Variants in PRSS12 observed in about 807,000 individuals in gnomAD.
The protein encoded by PRSS12 is neurotrypsin.
PRSS12 carries 85 observed loss-of-function variants against 104.4 expected under a neutral mutation model. The ratio of observed to expected loss-of-function variants is 0.81; its 90% CI spans 0.68 to 0.98. The LOEUF (loss-of-function observed/expected upper bound fraction) is 0.98, where lower values mean the gene tolerates loss of function less well. PRSS12 is among the 50% of genes least tolerant of loss of function. The pLI, the probability that PRSS12 is intolerant of heterozygous loss-of-function variation, is 0.00. For missense variants in PRSS12, 1,141 were observed against 1,139.2 expected (o/e 1.00, Z -0.02); for synonymous variants, 454 against 425.2 (o/e 1.07, Z -0.83).
At chr4:118,334,365 A>C (rs1004011865) in intron 3 of PRSS12, among the ~76,000 whole-genome samples, 23 of 152,130 alleles carry the variant, frequency 1.5e-4, no homozygotes, top group Non-Finnish European at 2.9e-5. Context: ...TACTTGAAAA[A>C]CATTTTATCA....
chr4:118,332,767 G>A (rs1339195137), intron 3 of PRSS12, among the ~76,000 whole-genome samples: 1 of 152,072 alleles, frequency 6.6e-6, no homozygotes, highest in Non-Finnish European at 1.5e-5. Flanking sequence ...GACAAGCAAT[G>A]CTAAATAAAC....
rs180945373 is a variant in PRSS12, at chr4:118,329,930, C to T, written c.971+1786G>A. Among the ~76,000 whole-genome samples, 5 of 152,232 alleles carry T rather than the reference C, an allele frequency of 3.3e-5. No individual in the cohort carries two copies. In the East Asian group the frequency reaches 7.7e-4, roughly 24 times the overall value. On this transcript the variant is annotated intron_variant, in intron 4 of 12. Transcript: ENST00000296498. The stretch of plus-strand genomic sequence containing the variant: ...ACCGGGAAACTTTGAGAAAATTGCT[C>T]GTGAAATTGATACCCAGTCAAAACA...
chr4:118,294,816 C>T (rs925565438), intron 11 of PRSS12, 123 bp downstream of exon 11: 9 of 1,364,094 alleles, frequency 6.6e-6, no homozygotes, highest in African/African-American at 2.9e-5. Context: ...CACAGGGCTG[C>T]TGGCACAAGC....
intron 4 of PRSS12, among the ~76,000 whole-genome samples, chr4:118,318,935 T>C (rs1323207120): frequency 2.6e-5 from 4 of 152,208 alleles, no homozygotes; most frequent in Non-Finnish European, 5.9e-5. Flanking sequence ...ATTTAAAACA[T>C]TTTTGGTTTA....
intron 3 of PRSS12, among the ~76,000 whole-genome samples, chr4:118,334,125 T>C (rs1490008889): frequency 6.6e-6 from 1 of 152,206 alleles, no homozygotes; most frequent in Admixed American, 6.5e-5. Flanking sequence ...TGATTTCAGC[T>C]ATACAACTCC....
chr4:118,298,977 C>A, intron 8 of PRSS12, 39 bp from the exon 9 acceptor site: 2 of 1,593,182 alleles, frequency 1.3e-6, no homozygotes, highest in South Asian at 2.2e-5. Context: ...AAGAATCAGT[C>A]AGTCATATAT....
intron 6 of PRSS12, among the ~76,000 whole-genome samples, chr4:118,314,375 G>A (rs1743845010): frequency 6.6e-6 from 1 of 152,032 alleles, no homozygotes; most frequent in Non-Finnish European, 1.5e-5. Context: ...TTAAAACAAT[G>A]AAAATTTTAA....
At chr4:118,347,094 G>A (rs939409447) in intron 1 of PRSS12, among the ~76,000 whole-genome samples, 1 of 151,706 alleles carries the variant, frequency 6.6e-6, no homozygotes, top group Non-Finnish European at 1.5e-5. Context: ...AAAAAAATAT[G>A]CACACTAGTT....
At position 118,331,923 on chromosome 4, in the gene PRSS12, G is replaced by A. The variant is rs1372100197; in HGVS notation, c.821-57C>T. 2.5e-6 allele frequency: 4 copies of A among 1,605,012 alleles called. No homozygotes were observed. In the African/African-American group the frequency reaches 4.0e-5, roughly 16 times the overall value. On this transcript the variant is annotated intron_variant, in intron 3 of 12. Coordinates refer to ENST00000296498, the MANE Select transcript of PRSS12 (RefSeq NM_003619.4). ...CCTATGCATTTACATTGATTGATAA[G>A]ATTAGGTATATTCTATATTTTTTGC...
chr4:118,308,621 A>C, intron 7 of PRSS12, 44 bp from the exon 8 acceptor site: 1 of 1,602,832 alleles, frequency 6.2e-7, no homozygotes, highest in Non-Finnish European at 8.5e-7. Context: ...AAACATGCAA[A>C]CTGATTCTAA....
intron 1 of PRSS12, among the ~76,000 whole-genome samples, chr4:118,346,977 G>GCACA (rs141285212): frequency 3.7e-4 from 55 of 150,292 alleles, no homozygotes; most frequent in African/African-American, 1.3e-3. Flanking sequence ...ATGCACACAT[G>GCACA]CACACACACA....
intron 1 of PRSS12, among the ~76,000 whole-genome samples, chr4:118,340,051 T>A (rs374991309): frequency 8.5e-5 from 13 of 152,210 alleles, no homozygotes; most frequent in African/African-American, 3.1e-4. Flanking sequence ...TAAAATAGTG[T>A]CTACATCAAA....
At chr4:118,340,692 G>A (rs1364920123) in intron 1 of PRSS12, among the ~76,000 whole-genome samples, 1 of 152,190 alleles carries the variant, frequency 6.6e-6, no homozygotes, top group Non-Finnish European at 1.5e-5. Context: ...ACTGACAAGA[G>A]GCATACTATT....
intron 7 of PRSS12, among the ~76,000 whole-genome samples, chr4:118,311,912 A>T (rs1479088705): frequency 6.6e-6 from 1 of 152,166 alleles, no homozygotes; most frequent in Admixed American, 6.5e-5. Context: ...CATGATTCCA[A>T]CACCTGCTAT....
intron 1 of PRSS12, among the ~76,000 whole-genome samples, chr4:118,338,565 C>T (rs1360272913): frequency 6.6e-6 from 1 of 152,048 alleles, no homozygotes; most frequent in Non-Finnish European, 1.5e-5. Flanking sequence ...AACAGACAGT[C>T]CTATTATAAT....
chr4:118,304,254 G>A (rs1347418841), intron 8 of PRSS12, among the ~76,000 whole-genome samples: 1 of 151,276 alleles, frequency 6.6e-6, no homozygotes, highest in Non-Finnish European at 1.5e-5. Flanking sequence ...GATTCCGTGG[G>A]GGAAGAAAAT....
chr4:118,330,298 C>A (rs375031364), intron 4 of PRSS12, among the ~76,000 whole-genome samples: 3 of 152,108 alleles, frequency 2.0e-5, no homozygotes, highest in African/African-American at 7.2e-5. Context: ...GAATACATTA[C>A]CTGTGATGAT....
intron 7 of PRSS12, 133 bp from the exon 8 acceptor site, chr4:118,308,710 G>C (rs1219471931): frequency 3.2e-6 from 4 of 1,244,740 alleles, no homozygotes; most frequent in South Asian, 2.5e-5. Context: ...TTTTGAGAGA[G>C]AGGAGATATA....
chr4:118,331,158 A>G (rs1022571337), intron 4 of PRSS12, among the ~76,000 whole-genome samples: 4 of 152,206 alleles, frequency 2.6e-5, no homozygotes, highest in Non-Finnish European at 4.4e-5. Context: ...GAAGGCCTAA[A>G]ATTATAATAC....
Sources: allele counts gnomAD v4.1 joint callset (sites outside exome capture counted in the v4.1 genomes callset), GRCh38; gene constraint gnomAD v4.1.1; transcripts MANE v1.5; gene names NCBI Gene and HGNC (gene_info 2026-07-23, HGNC 2026-07-21).